SPATS2: variants seen among roughly 807,000 people sequenced by gnomAD.
SPATS2 encodes the protein spermatogenesis-associated serine-rich protein 2.
In SPATS2, 38 loss-of-function variants were observed where a neutral mutation model predicts 63.7. The ratio of observed to expected loss-of-function variants is 0.60; its 90% confidence interval spans 0.46 to 0.78. The LOEUF (loss-of-function observed/expected upper bound fraction) is 0.78, where lower values mean the gene tolerates loss of function less well. Among genes scored for constraint, SPATS2 ranks in the 30% least tolerant of loss-of-function variants. SPATS2 has a pLI of 0.00. For synonymous variants in SPATS2, 207 were observed against 232.9 expected, an observed-to-expected ratio of 0.89 and a Z score of 1.01; for missense variants, 588 against 666.2, an observed-to-expected ratio of 0.88 and a Z score of 1.29.
intron 10 of SPATS2, among the ~76,000 whole-genome samples, chr12:49,517,527 G>A (rs1162473413): frequency 6.6e-6 from 1 of 152,140 alleles, no homozygotes; most frequent in Non-Finnish European, 1.5e-5. Flanking sequence ...AAATGTGAGT[G>A]TCCTTTTTTC....
chr12:49,409,289 GT>G (rs982568304), intron 2 of SPATS2, among the ~76,000 whole-genome samples: 2 of 151,840 alleles, frequency 1.3e-5, no homozygotes, highest in East Asian at 1.9e-4. Context: ...TATTTTAGAA[GT>G]TTTTTTTGTT....
At position 49,489,588 on chromosome 12, in the gene SPATS2, A is replaced by G. The variant is rs2272478; in HGVS notation, c.214+15A>G. On this transcript the variant is annotated intron_variant, in intron 5 of 13. Coordinates refer to ENST00000552918, the MANE Select transcript of SPATS2 (RefSeq NM_023071.4). The stretch of plus-strand genomic sequence containing the variant: ...ATTCATGGAAGGTAATCCTGACTTA[A>G]TTTTAAAAATAAATTTATATTTGCT... The G allele has an allele frequency of 0.2, 324,282 of 1,589,904 alleles. 40,152 individuals are homozygous for G. The highest frequency in any genetic ancestry group is 0.58 in the African/African-American group (42,765 of 74,092).
intron 2 of SPATS2, among the ~76,000 whole-genome samples, chr12:49,384,606 C>T (rs1944279219): frequency 6.6e-6 from 1 of 152,136 alleles, no homozygotes; most frequent in Non-Finnish European, 1.5e-5. Context: ...TGAGATCATA[C>T]AACATACTGC....
chr12:49,496,463 T>C (rs1463090634), intron 7 of SPATS2, among the ~76,000 whole-genome samples: 2 of 152,214 alleles, frequency 1.3e-5, no homozygotes, highest in Non-Finnish European at 2.9e-5. Context: ...AAACTCTTTT[T>C]TTCTTAACAT....
chr12:49,435,796 G>A (rs1224348853), intron 2 of SPATS2, among the ~76,000 whole-genome samples: 13 of 151,248 alleles, frequency 8.6e-5, no homozygotes, highest in Non-Finnish European at 1.2e-4. Flanking sequence ...GCGGCCTTCC[G>A]CAGTGTTTGT....
intron 8 of SPATS2, among the ~76,000 whole-genome samples, chr12:49,498,143 A>ATATATATAT (rs1307387821): frequency 1.0e-3 from 98 of 95,022 alleles, no homozygotes; most frequent in African/African-American, 1.7e-3. Flanking sequence ...AAAAAAAAAA[A>ATATATATAT]AAATATATAT....
chr12:49,447,696 C>G (rs1945540260), intron 2 of SPATS2, among the ~76,000 whole-genome samples: 1 of 152,084 alleles, frequency 6.6e-6, no homozygotes, highest in Non-Finnish European at 1.5e-5. Context: ...TTAAGTCAAT[C>G]TTAGTAATGT....
intron 9 of SPATS2, among the ~76,000 whole-genome samples, chr12:49,509,950 T>C (rs1044739486): frequency 2.0e-5 from 3 of 152,098 alleles, no homozygotes; most frequent in Non-Finnish European, 4.4e-5. Context: ...GGTTGGTTAG[T>C]GGAATTAGAA....
At position 49,406,031 on chromosome 12, in the gene SPATS2, A is replaced by T. The variant is rs1944689091; in HGVS notation, c.-244+34741A>T. Among the ~76,000 whole-genome samples the T allele has an allele frequency of 2.0e-5, 3 of 152,124 alleles. No homozygotes were observed. The South Asian group carries it at 6.2e-4, about 31-fold the overall frequency. ...ACAATGCCTTTGGTTTGGGAGGCCG[A>T]GGCGGGTGGATCACTTGAGGTCAGG... On this transcript the variant is annotated intron_variant, in intron 2 of 13. Transcript: ENST00000552918.
At chr12:49,374,999 T>C (rs1944069934) in intron 2 of SPATS2, among the ~76,000 whole-genome samples, 2 of 148,660 alleles carry the variant, frequency 1.3e-5, no homozygotes, top group South Asian at 4.3e-4. Flanking sequence ...ATAGGTTGAT[T>C]GGAGGTTTTG....
intron 2 of SPATS2, among the ~76,000 whole-genome samples, chr12:49,412,497 C>T (rs746029904): frequency 1.3e-5 from 2 of 152,038 alleles, no homozygotes; most frequent in Non-Finnish European, 2.9e-5. Context: ...CTACTGTGCC[C>T]GGTTAAATTA....
chr12:49,505,323 C>A (rs60470264), intron 9 of SPATS2, among the ~76,000 whole-genome samples: 4,002 of 152,160 alleles, frequency 0.026, 197 homozygotes, highest in African/African-American at 0.09. Flanking sequence ...TTGTTGATAT[C>A]TTGTTTCTAC....
At chr12:49,420,538 G>A (rs922701149) in intron 2 of SPATS2, among the ~76,000 whole-genome samples, 1 of 152,078 alleles carries the variant, frequency 6.6e-6, no homozygotes, top group Non-Finnish European at 1.5e-5. Flanking sequence ...AGGTTGCAGT[G>A]AGCCACTGCA....
intron 2 of SPATS2, among the ~76,000 whole-genome samples, chr12:49,396,355 C>G (rs1194059168): frequency 6.6e-6 from 1 of 152,162 alleles, no homozygotes; most frequent in Admixed American, 6.5e-5. Flanking sequence ...ATCTCCTTGT[C>G]TTCATCGTGT....
Position 49,496,057 on chromosome 12 carries a change from G to A in SPATS2, c.527-776G>A, listed in dbSNP as rs147907350. On this transcript the variant is annotated intron_variant, in intron 7 of 13. Coordinates refer to ENST00000552918, the MANE Select transcript of SPATS2 (RefSeq NM_023071.4). Reference sequence around the variant, plus strand: ...CCCTGCCCTGCTGCTCCTGGCTTTAGAAGTGTAATGCCAATATAAGATTTA... The same window carrying A: ...CCCTGCCCTGCTGCTCCTGGCTTTAAAAGTGTAATGCCAATATAAGATTTA... 8.3e-4 allele frequency among the ~76,000 whole-genome samples: 127 copies of A among 152,270 alleles called. No homozygotes were observed. The East Asian group carries it at 0.021, about 25-fold the overall frequency.
intron 9 of SPATS2, among the ~76,000 whole-genome samples, chr12:49,502,563 A>G (rs568844129): frequency 8.6e-4 from 131 of 151,890 alleles, no homozygotes; most frequent in African/African-American, 3.0e-3. Context: ...CCATCCTCCC[A>G]CCCTCAGCCT....
chr12:49,497,596 G>T (rs188920385), intron 8 of SPATS2, among the ~76,000 whole-genome samples: 3 of 151,824 alleles, frequency 2.0e-5, no homozygotes, highest in African/African-American at 4.8e-5. Flanking sequence ...GGGTTTCGCC[G>T]TGTTAGCCAG....
chr12:49,526,139 G>T lies in SPATS2; in HGVS notation c.1522G>T (p.Ala508Ser). The change falls in exon 14 of 14, where the codon GCA (alanine) becomes TCA (serine). Residue 508 changes from alanine to serine, a missense_variant. Ala to Ser is a moderately conservative substitution (Grantham distance 99, BLOSUM62 1). Coordinates refer to ENST00000552918, the MANE Select transcript of SPATS2 (RefSeq NM_023071.4). ...CATTGAAAGAGGCCAGACTCACTCT[G>T]CAGGGACCAATGGAACTGGAGTCAG... Reference protein sequence around the residue: ...NTIERGQTHSAGTNGTGVSME... With the variant: ...NTIERGQTHSSGTNGTGVSME... 1 of 1,614,184 alleles carries T rather than the reference G, an allele frequency of 6.2e-7. No homozygotes were observed. Among genetic ancestry groups the T allele is most frequent in the Non-Finnish European group, 8.5e-7 (1 of 1,180,042 alleles).
chr12:49,485,267 C>T (rs769793643), intron 4 of SPATS2, among the ~76,000 whole-genome samples: 2 of 151,678 alleles, frequency 1.3e-5, no homozygotes, highest in African/African-American at 2.4e-5. Flanking sequence ...AGGGTTTCGC[C>T]GTGGCCTCGA....
Sources: gnomAD v4.1 joint callset for allele counts (sites outside exome capture counted in the v4.1 genomes callset) on GRCh38, gnomAD v4.1.1 for gene constraint, MANE v1.5 for transcripts, NCBI Gene and HGNC (gene_info 2026-07-23, HGNC 2026-07-21) for gene names.